ARHGAP36: variants seen among roughly 807,000 people sequenced by gnomAD.
ARHGAP36 encodes the protein rho GTPase-activating protein 36.
A neutral mutation model predicts 32.9 loss-of-function variants in ARHGAP36; 7 were observed. That is an observed-to-expected ratio of 0.21 (90% CI 0.12 to 0.40). The LOEUF (loss-of-function observed/expected upper bound fraction) is 0.40, where lower values mean the gene tolerates loss of function less well. Ranked by LOEUF, ARHGAP36 falls within the 10% of genes least tolerant of loss-of-function variation. ARHGAP36 has a pLI of 1.00. For missense variants in ARHGAP36, 383 were observed against 442.2 expected (o/e 0.87, Z 1.20); for synonymous variants, 165 against 168.3 (o/e 0.98, Z 0.15).
intron 1 of ARHGAP36, among the ~76,000 whole-genome samples, chrX:131,062,779 A>T (rs922360351): frequency 8.9e-6 from 1 of 112,239 alleles, no homozygotes; most frequent in East Asian, 2.8e-4. Flanking sequence ...ATCTCTAACC[A>T]TAACAACTTT....
intron 1 of ARHGAP36, among the ~76,000 whole-genome samples, chrX:131,080,382 T>C (rs1015964068): frequency 1.1e-5 from 1 of 92,314 alleles, no homozygotes; most frequent in Non-Finnish European, 2.2e-5. Context: ...TCTCCTTCAC[T>C]GCACTGTTAA....
intron 3 of ARHGAP36, 78 bp downstream of exon 3, chrX:131,083,308 G>T: frequency 1.0e-6 from 1 of 1,002,571 alleles, no homozygotes; most frequent in South Asian, 2.2e-5. Context: ...GGCTATTGGA[G>T]ACTGGGTGGC....
intron 1 of ARHGAP36, among the ~76,000 whole-genome samples, chrX:131,059,377 T>G (rs1157559086): frequency 9.3e-6 from 1 of 107,141 alleles, no homozygotes; most frequent in Non-Finnish European, 1.9e-5. Context: ...AGCCACCTGT[T>G]TTTTCATAGT....
At chrX:131,087,145 G>A (rs1040271925) in intron 11 of ARHGAP36, among the ~76,000 whole-genome samples, 5 of 111,464 alleles carry the variant, frequency 4.5e-5, no homozygotes, top group Non-Finnish European at 7.5e-5. Context: ...AGATTTTGAA[G>A]ACCACCAAAA....
chrX:131,080,818 A>T (rs914190842), intron 1 of ARHGAP36, among the ~76,000 whole-genome samples: 9 of 112,208 alleles, frequency 8.0e-5, no homozygotes, highest in African/African-American at 2.9e-4. Context: ...GCAACAGGCA[A>T]ACAAAATCTC....
chrX:131,078,683 C>A, intron 1 of ARHGAP36: 1 of 659,239 alleles, frequency 1.5e-6, no homozygotes, highest in Non-Finnish European at 2.1e-6. Context: ...TGCTTCTTGT[C>A]TGGGGACATT....
chrX:131,086,286 G>C (rs1338853173), intron 9 of ARHGAP36, 43 bp from the exon 10 acceptor site: 2 of 1,173,452 alleles, frequency 1.7e-6, no homozygotes, highest in Non-Finnish European at 2.3e-6. Flanking sequence ...TAAATGAAAA[G>C]GTGCTGTGTA....
At chrX:131,083,590 TC>T in intron 3 of ARHGAP36, 143 bp from the exon 4 acceptor site, 1 of 600,363 alleles carries the variant, frequency 1.7e-6, no homozygotes, top group Non-Finnish European at 2.7e-6. Flanking sequence ...TTTGGCTAGC[TC>T]CCCAGGGAGG....
chrX:131,067,492 C>T (rs994781311), intron 1 of ARHGAP36, among the ~76,000 whole-genome samples: 1 of 113,097 alleles, frequency 8.8e-6, no homozygotes, highest in African/African-American at 3.2e-5. Flanking sequence ...CGAACCCCCA[C>T]GGTGAAGATC....
intron 1 of ARHGAP36, among the ~76,000 whole-genome samples, chrX:131,060,438 C>A (rs754005863): frequency 4.5e-5 from 5 of 112,103 alleles, no homozygotes; most frequent in Non-Finnish European, 5.6e-5. Context: ...GCTTCACATG[C>A]ACCACATACT....
At chrX:131,069,970 C>T (rs1336643501) in intron 1 of ARHGAP36, among the ~76,000 whole-genome samples, 6 of 112,517 alleles carry the variant, frequency 5.3e-5, no homozygotes, top group African/African-American at 1.9e-4. Context: ...AAGCGCTATA[C>T]AGGCGGCAAG....
rs145981387 is a variant in ARHGAP36 at position 131,083,791 on chromosome X, C to T, written c.377C>T (p.Thr126Ile). 12 of 1,210,658 alleles carry T rather than the reference C, an allele frequency of 9.9e-6. No individual in the cohort carries two copies. In the African/African-American group the frequency reaches 1.4e-4, roughly 14 times the overall value. ...GAAGAGGTCCTGGTGAACGAGTTTA[C>T]CCGCCGCAAGCATCTTGAACTGACA... ...SLEEVLVNEF[T>I]RRKHLELTAT... Residue 126 changes from threonine to isoleucine, a missense_variant, in exon 4 of 12, where the codon ACC (threonine) becomes ATC (isoleucine). By Grantham distance (89) the Thr-to-Ile change is moderately conservative. Transcript: ENST00000276211.
rs144638473 is a variant in ARHGAP36 at position 131,087,600 on chromosome X, C to T, written c.1486+935C>T. 7.8e-4 allele frequency among the ~76,000 whole-genome samples: 87 copies of T among 111,763 alleles called. 1 individual carries two copies. Among genetic ancestry groups the T allele is most frequent in the African/African-American group, 2.7e-3 (84 of 30,694 alleles). ...GAAATTCCAGACCATGAAGAAGCTC[C>T]AGAGACCAATGGAATTGCAGGCCCT... is the stretch of plus-strand genomic sequence containing the variant. On this transcript the variant is annotated intron_variant, in intron 11 of 11. Coordinates refer to ENST00000276211, the MANE Select transcript of ARHGAP36 (RefSeq NM_144967.4).
chrX:131,065,009 C>T (rs1021733289), intron 1 of ARHGAP36, among the ~76,000 whole-genome samples: 5 of 104,803 alleles, frequency 4.8e-5, no homozygotes, highest in African/African-American at 1.4e-4. Flanking sequence ...CTTATGACAG[C>T]GATTTTAAGC....
rs1363532274 is a variant in ARHGAP36, at chrX:131,087,596, G to C, written c.1486+931G>C. ...TGAAGAAATTCCAGACCATGAAGAA[G>C]CTCCAGAGACCAATGGAATTGCAGG... is the stretch of plus-strand genomic sequence containing the variant. On this transcript the variant is annotated intron_variant, in intron 11 of 11. Transcript: ENST00000276211. 2.7e-5 allele frequency among the ~76,000 whole-genome samples: 3 copies of C among 111,833 alleles called. No homozygotes were observed. The Admixed American group carries it at 2.8e-4, about 11-fold the overall frequency.
chrX:131,060,933 T>C (rs780655234), intron 1 of ARHGAP36, among the ~76,000 whole-genome samples: 3 of 112,238 alleles, frequency 2.7e-5, no homozygotes, highest in Admixed American at 9.4e-5. Flanking sequence ...AGGGTAACTT[T>C]GTGGGTAACT....
At chrX:131,074,209 A>G (rs758434325) in intron 1 of ARHGAP36, among the ~76,000 whole-genome samples, 3 of 111,263 alleles carry the variant, frequency 2.7e-5, no homozygotes, top group East Asian at 2.8e-4. Context: ...TCTTATGCCC[A>G]CTCTGTAGAA....
At chrX:131,075,623 A>ATGTGTGTGTGTGTGTGTG (rs5903808) in intron 1 of ARHGAP36, among the ~76,000 whole-genome samples, 9 of 98,169 alleles carry the variant, frequency 9.2e-5, no homozygotes, top group African/African-American at 3.0e-4. Context: ...GTGTATATAT[A>ATGTGTGTGTGTGTGTGTG]TGTGTGTGTG....
intron 1 of ARHGAP36, among the ~76,000 whole-genome samples, chrX:131,059,198 G>A (rs1434340581): frequency 8.9e-6 from 1 of 112,038 alleles, no homozygotes; most frequent in Non-Finnish European, 1.9e-5. Flanking sequence ...ACCCCTTTTC[G>A]GGAACTGCTT....
Sources: gnomAD v4.1 joint callset for allele counts (sites outside exome capture counted in the v4.1 genomes callset) on GRCh38, gnomAD v4.1.1 for gene constraint, MANE v1.5 for transcripts, NCBI Gene and HGNC (gene_info 2026-07-23, HGNC 2026-07-21) for gene names.